The following RBM26 variants were observed in gnomAD, a reference collection of about 807,000 sequenced individuals.
The protein encoded by RBM26 is RNA-binding protein 26.
In RBM26, 30 loss-of-function variants were observed where a neutral mutation model predicts 123.6. The observed-to-expected ratio is 0.24, with a 90% CI of 0.18 to 0.33. The LOEUF is 0.33. Among genes scored for constraint, RBM26 ranks in the 10% least tolerant of loss-of-function variants. The probability of loss-of-function intolerance (pLI) is 1.00; values close to 1 mark genes in which losing one functional copy is unlikely to be tolerated. For missense variants in RBM26, 947 were observed against 1,203.6 expected (o/e 0.79, Z 3.15); for synonymous variants, 400 against 404.4 (o/e 0.99, Z 0.13).
chr13:79,319,379 CATTT>C lies in RBM26; in HGVS notation c.*1238_*1241del, dbSNP rs1184899257. The C allele has an allele frequency of 7.1e-6, 7 of 984,172 alleles. No individual in the cohort carries two copies. Among genetic ancestry groups the C allele is most frequent in the East Asian group, 1.1e-4 (1 of 8,804 alleles). 61.0% of individuals were successfully genotyped at this position (984,172 alleles called of 1,614,324 possible). A position where few individuals can be genotyped will look rare whatever the true frequency, so the allele number is the denominator to read the frequency against. ...TCCCACCCCCATTCTACAAAGAATG[CATTT>C]ATTTCCTGGAAACTGCCATATCAAC... On this transcript the variant is annotated 3_prime_UTR_variant, in exon 22 of 22. Transcript: ENST00000438737.
intron 14 of RBM26, among the ~76,000 whole-genome samples, 172 bp from the exon 15 acceptor site, chr13:79,344,966 G>C (rs1264488754): frequency 6.6e-6 from 1 of 151,818 alleles, no homozygotes; most frequent in Non-Finnish European, 1.5e-5. Flanking sequence ...TTGAAAGGTA[G>C]AGTATAAATA....
At chr13:79,377,188 T>A in intron 3 of RBM26, 191 bp downstream of exon 3, 3 of 495,142 alleles carry the variant, frequency 6.1e-6, no homozygotes, top group Non-Finnish European at 1.1e-5. Context: ...TTGCTTTATA[T>A]CCTTTTGCTG....
chr13:79,356,389 C>CAA (rs2074014608), intron 11 of RBM26, among the ~76,000 whole-genome samples: 1 of 101,912 alleles, frequency 9.8e-6, no homozygotes, highest in Admixed American at 9.2e-5. Flanking sequence ...AAAAAACAAA[C>CAA]AAAAAAAAAC....
intron 1 of RBM26, among the ~76,000 whole-genome samples, chr13:79,381,127 A>C (rs1261128112): frequency 2.0e-5 from 3 of 152,068 alleles, no homozygotes; most frequent in Non-Finnish European, 4.4e-5. Context: ...AATTTTACAT[A>C]CTATATTGGG....
intron 14 of RBM26, among the ~76,000 whole-genome samples, chr13:79,350,650 T>C (rs2073088495): frequency 6.6e-6 from 1 of 152,184 alleles, no homozygotes; most frequent in Non-Finnish European, 1.5e-5. Flanking sequence ...AGGTATAAAA[T>C]GTTACATTTG....
At chr13:79,343,309 C>T (rs1457351895) in intron 16 of RBM26, among the ~76,000 whole-genome samples, 1 of 151,728 alleles carries the variant, frequency 6.6e-6, no homozygotes, top group Non-Finnish European at 1.5e-5. Flanking sequence ...TACTTTTTCA[C>T]CTGAGAATGG....
chr13:79,349,907 A>C (rs1005526223), intron 14 of RBM26, among the ~76,000 whole-genome samples: 1 of 152,274 alleles, frequency 6.6e-6, no homozygotes, highest in Non-Finnish European at 1.5e-5. Flanking sequence ...TGTATTGGCC[A>C]GGCTGGTCTC....
At chr13:79,341,373 C>G in intron 17 of RBM26, 146 bp from the exon 18 acceptor site, 1 of 478,310 alleles carries the variant, frequency 2.1e-6, no homozygotes, top group Non-Finnish European at 3.7e-6. Context: ...CCAAAATACT[C>G]CACACCTCCA....
Position 79,405,836 on chromosome 13 carries a change from G to A in RBM26, c.-62C>T, listed in dbSNP as rs1038317784. ...CGCCCAGGTCGCGGCCGCTACAGCC[G>A]CCGCTGCCCCCGCCCCCTCCTCCGC... On this transcript the variant is annotated 5_prime_UTR_variant, in exon 1 of 22. Coordinates refer to ENST00000438737, the MANE Select transcript of RBM26 (RefSeq NM_001366735.2). 3 of 1,088,378 alleles carry A rather than the reference G, an allele frequency of 2.8e-6. No individual in the cohort carries two copies. The highest frequency in any genetic ancestry group is 1.3e-6 in the Non-Finnish European group (1 of 789,852). 67.4% of individuals were successfully genotyped at this position (1,088,378 alleles called of 1,614,324 possible).
chr13:79,355,551 T>C (rs1013316092), intron 11 of RBM26, among the ~76,000 whole-genome samples, 167 bp from the exon 12 acceptor site: 1 of 152,188 alleles, frequency 6.6e-6, no homozygotes, highest in Non-Finnish European at 1.5e-5. Flanking sequence ...CCAGAAGAAA[T>C]AGTAACCAAG....
At chr13:79,360,692 G>A (rs186659505) in intron 9 of RBM26, among the ~76,000 whole-genome samples, 203 of 130,060 alleles carry the variant, frequency 1.6e-3, no homozygotes, top group African/African-American at 5.4e-3. Context: ...TGAATGTAAT[G>A]AAAGCATACT....
rs1196892230 is a variant in RBM26 at position 79,388,269 on chromosome 13, T to C, written c.72-9362A>G. ...TACCACCACGTCTGGCTAATTTTTG[T>C]ATTTTAAGTAGAGATGGGGTTTCAC... On this transcript the variant is annotated intron_variant, in intron 1 of 21. Coordinates refer to ENST00000438737, the MANE Select transcript of RBM26 (RefSeq NM_001366735.2). Among the ~76,000 whole-genome samples, 3 of 152,220 alleles carry C rather than the reference T, an allele frequency of 2.0e-5. No homozygotes were observed. In the East Asian group the frequency reaches 5.8e-4, roughly 29 times the overall value.
At position 79,318,972 on chromosome 13, in the gene RBM26, A is replaced by C; in HGVS notation, c.*1649T>G. 2.1e-6 allele frequency: 2 copies of C among 970,320 alleles called. No individual in the cohort carries two copies. The highest frequency in any genetic ancestry group is 2.4e-6 in the Non-Finnish European group (2 of 816,350). The allele number at this position is 970,320 out of a possible 1,614,324, so 60.1% of individuals were successfully genotyped here. On this transcript the variant is annotated 3_prime_UTR_variant, in exon 22 of 22. Transcript: ENST00000438737. ...ACATAAAAATAGATCTTTGATTTAAATATATAAGTAAAAATAGTGACTTTT... is the reference window on the plus strand; with the variant it reads ...ACATAAAAATAGATCTTTGATTTAACTATATAAGTAAAAATAGTGACTTTT...
At chr13:79,363,148 A>G (rs1234806846) in intron 9 of RBM26, among the ~76,000 whole-genome samples, 1 of 152,186 alleles carries the variant, frequency 6.6e-6, no homozygotes, top group Non-Finnish European at 1.5e-5. Flanking sequence ...ATTTCAATGC[A>G]TCAAAGGGCC....
At chr13:79,312,405 G>C (rs1327501010) in exon 5 of RBM26, 2 of 151,888 alleles carry the variant, frequency 1.3e-5, no homozygotes, top group African/African-American at 4.8e-5. Context: ...GTGCTGGAAG[G>C]AAATCTTGGG....
At position 79,322,443 on chromosome 13, in the gene RBM26, C is replaced by A; in HGVS notation, c.2840G>T (p.Arg947Leu). The A allele has an allele frequency of 6.4e-7, 1 of 1,568,372 alleles. No homozygotes were observed. Among genetic ancestry groups the A allele is most frequent in the Non-Finnish European group, 8.6e-7 (1 of 1,162,726 alleles). ...CAGTTTTAGATCTTGCCCTTTGAAACGAGCTCCATGAACTGCAGCCTAAAA... is the reference window on the plus strand; with the variant it reads ...CAGTTTTAGATCTTGCCCTTTGAAAAGAGCTCCATGAACTGCAGCCTAAAA... The part of the protein sequence containing the change: ...EAEAAAVHGA[R>L]FKGQDLKLAW... Residue 947 changes from arginine (R) to leucine (L), a missense_variant, in exon 21 of 22, where the codon CGT becomes CTT. Arg to Leu is a moderately radical substitution (Grantham distance 102). Around this residue, in one of 5 missense-constraint regions of RBM26, gnomAD observed 164 missense variants for 215.3 expected, o/e 0.76. Transcript: ENST00000438737.
intron 1 of RBM26, among the ~76,000 whole-genome samples, chr13:79,384,331 G>A (rs550965860): frequency 6.6e-6 from 1 of 151,090 alleles, no homozygotes; most frequent in South Asian, 2.1e-4. Context: ...TGCAATCATG[G>A]TTCATTGAAA....
At chr13:79,328,294 A>G (rs769879953) in intron 20 of RBM26, among the ~76,000 whole-genome samples, 1 of 152,094 alleles carries the variant, frequency 6.6e-6, no homozygotes, top group Non-Finnish European at 1.5e-5. Context: ...GCACATGAAG[A>G]GAGAACTCAT....
intron 5 of RBM26, among the ~76,000 whole-genome samples, chr13:79,370,040 T>A (rs2075720069): frequency 6.6e-6 from 1 of 152,312 alleles, no homozygotes; most frequent in South Asian, 2.1e-4. Flanking sequence ...CTGGGCACAG[T>A]GGCTCAGGCC....
Sources: allele counts gnomAD v4.1 joint callset (sites outside exome capture counted in the v4.1 genomes callset), GRCh38; gene constraint gnomAD v4.1.1; regional missense constraint gnomAD v4.1.1; transcripts MANE v1.5; gene names NCBI Gene and HGNC (gene_info 2026-07-23, HGNC 2026-07-21).